ADGRL2: variants seen among roughly 807,000 people sequenced by gnomAD.
ADGRL2 encodes the protein calcium-independent alpha-latrotoxin receptor 2.
In ADGRL2, 44 loss-of-function variants were observed where a neutral mutation model predicts 157.4. The observed-to-expected ratio is 0.28, with a 90% confidence interval of 0.22 to 0.36. The LOEUF (loss-of-function observed/expected upper bound fraction) is 0.36, where lower values mean the gene tolerates loss of function less well. ADGRL2 is among the 10% of genes least tolerant of loss of function. ADGRL2 has a pLI of 1.00. For synonymous variants in ADGRL2, 585 were observed against 624.7 expected, an observed-to-expected ratio of 0.94 and a Z score of 0.95; for missense variants, 1,510 against 1,768.9, an observed-to-expected ratio of 0.85 and a Z score of 2.63.
intron 3 of ADGRL2, among the ~76,000 whole-genome samples, chr1:81,654,650 G>A (rs751571969): frequency 1.1e-4 from 16 of 152,228 alleles, no homozygotes; most frequent in East Asian, 5.8e-4. Context: ...CTGCTTCATC[G>A]TCCCTCTGCC....
intron 1 of ADGRL2, among the ~76,000 whole-genome samples, chr1:81,330,267 A>G (rs986422180): frequency 3.6e-4 from 55 of 152,146 alleles, no homozygotes; most frequent in African/African-American, 1.2e-3. Context: ...TGACCCAATG[A>G]GGATTAATTC....
At position 81,563,120 on chromosome 1, in the gene ADGRL2, A is replaced by T. The variant is rs117625444; in HGVS notation, c.-247-17756A>T. 5.8e-4 allele frequency among the ~76,000 whole-genome samples: 89 copies of T among 152,276 alleles called. 1 individual carries two copies. The East Asian group carries it at 0.016, about 28-fold the overall frequency. Reference sequence around the variant, plus strand: ...CTGTGAATGTTAGACTGTTTACAGCATTTCCTGCAATTATCTCTTCAGAAA... The same window carrying T: ...CTGTGAATGTTAGACTGTTTACAGCTTTTCCTGCAATTATCTCTTCAGAAA... On this transcript the variant is annotated intron_variant, in intron 2 of 24. Coordinates refer to the ADGRL2 transcript ENST00000370721.
chr1:81,947,938 G>T (rs1020735694), intron 6 of ADGRL2, among the ~76,000 whole-genome samples: 4 of 152,088 alleles, frequency 2.6e-5, no homozygotes, highest in African/African-American at 9.7e-5. Flanking sequence ...GTAAAAAGTG[G>T]CTGGGCACAG....
chr1:81,389,885 AAGAG>A (rs1213869539), intron 1 of ADGRL2, among the ~76,000 whole-genome samples: 1 of 152,142 alleles, frequency 6.6e-6, no homozygotes, highest in Non-Finnish European at 1.5e-5. Context: ...CAAAAAAAGA[AAGAG>A]AGAAAGAAGC....
chr1:81,354,987 G>A (rs1271273097), intron 1 of ADGRL2, among the ~76,000 whole-genome samples: 1 of 152,072 alleles, frequency 6.6e-6, no homozygotes, highest in Non-Finnish European at 1.5e-5. Context: ...AAAAGCAACT[G>A]TATAGGAAAA....
chr1:81,804,260 A>G (rs925202486), intron 1 of ADGRL2, among the ~76,000 whole-genome samples: 1 of 152,220 alleles, frequency 6.6e-6, no homozygotes, highest in African/African-American at 2.4e-5. Context: ...TGCATAATAG[A>G]AAGAATACTA....
chr1:81,485,815 T>C (rs4650559), intron 2 of ADGRL2, among the ~76,000 whole-genome samples: 127,599 of 152,078 alleles, frequency 0.84, 55,437 homozygotes, highest in East Asian at 1. Flanking sequence ...TCTGATTCAC[T>C]TATCAATGAA....
chr1:81,904,313 G>A (rs150043717), intron 2 of ADGRL2, among the ~76,000 whole-genome samples: 1 of 152,258 alleles, frequency 6.6e-6, no homozygotes, highest in African/African-American at 2.4e-5. Flanking sequence ...AAACAGGTAA[G>A]AGAAAGAATT....
chr1:81,503,530 C>T (rs1343212660), intron 2 of ADGRL2: 9 of 1,563,880 alleles, frequency 5.8e-6, no homozygotes, highest in Non-Finnish European at 8.7e-7. Flanking sequence ...AGTTGATGCA[C>T]AGAATTTACC....
intron 2 of ADGRL2, among the ~76,000 whole-genome samples, chr1:81,534,534 C>A (rs1413388254): frequency 1.3e-5 from 2 of 152,238 alleles, no homozygotes; most frequent in African/African-American, 4.8e-5. Flanking sequence ...CACTCTCACA[C>A]ATGTTATCTG....
intron 2 of ADGRL2, among the ~76,000 whole-genome samples, chr1:81,448,405 C>T (rs2077641678): frequency 6.6e-6 from 1 of 152,000 alleles, no homozygotes; most frequent in South Asian, 2.1e-4. Context: ...CTCGGCCTCC[C>T]AAAGTGCTGT....
chr1:81,811,284 A>G (rs902229172), intron 1 of ADGRL2, among the ~76,000 whole-genome samples: 1 of 151,832 alleles, frequency 6.6e-6, no homozygotes, highest in Admixed American at 6.6e-5. Flanking sequence ...TCCTTTGTTC[A>G]ATAAGAACCT....
chr1:81,554,785 G>A (rs1165514676), intron 2 of ADGRL2, among the ~76,000 whole-genome samples: 1 of 152,166 alleles, frequency 6.6e-6, no homozygotes, highest in East Asian at 1.9e-4. Flanking sequence ...CAGGGGATTT[G>A]TTGGTGTCAG....
intron 2 of ADGRL2, among the ~76,000 whole-genome samples, chr1:81,483,247 G>A (rs75142265): frequency 0.057 from 8,602 of 152,180 alleles, 810 homozygotes; most frequent in African/African-American, 0.2. Context: ...AGCGACAAGT[G>A]CCTTTTATAT....
chr1:81,970,166 A>G, intron 15 of ADGRL2, 148 bp from the exon 16 acceptor site: 1 of 637,170 alleles, frequency 1.6e-6, no homozygotes, highest in Non-Finnish European at 2.7e-6. Flanking sequence ...CAGTTACGAA[A>G]AAAATATTTT....
At chr1:81,722,727 T>A in intron 1 of ADGRL2, 1 of 927,630 alleles carries the variant, frequency 1.1e-6, no homozygotes, top group Non-Finnish European at 1.7e-6. Context: ...GAGCGAGAGA[T>A]CAAAGAATAG....
intron 1 of ADGRL2, among the ~76,000 whole-genome samples, chr1:81,371,124 C>T (rs2076153519): frequency 6.6e-6 from 1 of 152,136 alleles, no homozygotes; most frequent in Non-Finnish European, 1.5e-5. Context: ...GTGGAAAATG[C>T]AGCAGCATCT....
At chr1:81,457,900 A>T (rs2077839723) in intron 2 of ADGRL2, among the ~76,000 whole-genome samples, 1 of 152,204 alleles carries the variant, frequency 6.6e-6, no homozygotes, top group Non-Finnish European at 1.5e-5. Flanking sequence ...TCAATTTGCC[A>T]CTATGGAATT....
intron 2 of ADGRL2, among the ~76,000 whole-genome samples, chr1:81,841,243 C>A (rs1371460162): frequency 1.3e-5 from 2 of 151,942 alleles, no homozygotes; most frequent in African/African-American, 4.8e-5. Context: ...ATGAGACATG[C>A]CAGAAACAGC....
Sources: gnomAD v4.1 joint callset for allele counts (sites outside exome capture counted in the v4.1 genomes callset) on GRCh38, gnomAD v4.1.1 for gene constraint, MANE v1.5 for transcripts, NCBI Gene and HGNC (gene_info 2026-07-23, HGNC 2026-07-21) for gene names.